The following ACOX2 variants were observed in gnomAD, a reference collection of about 807,000 sequenced individuals.
ACOX2 encodes peroxisomal acyl-coenzyme A oxidase 2.
Under a neutral mutation model 77.5 loss-of-function variants are expected in ACOX2, and 59 were observed. The ratio of observed to expected loss-of-function variants is 0.76; its 90% CI spans 0.62 to 0.95. ACOX2 has a LOEUF of 0.95. Ranked by LOEUF, ACOX2 falls within the 40% of genes least tolerant of loss-of-function variation. ACOX2 has a pLI of 0.00. For synonymous variants in ACOX2, 317 were observed against 340.1 expected (o/e 0.93, Z 0.75); for missense variants, 837 against 880.4 (o/e 0.95, Z 0.62).
At chr3:58,529,877 T>C (rs961585212) in intron 8 of ACOX2, among the ~76,000 whole-genome samples, 17 of 152,154 alleles carry the variant, frequency 1.1e-4, no homozygotes, top group Non-Finnish European at 5.9e-5. Flanking sequence ...TCACAGAGGG[T>C]TCAGGCAGCC....
intron 5 of ACOX2, among the ~76,000 whole-genome samples, chr3:58,532,306 CAGTGGTCAT>C (rs1275949038): frequency 2.0e-5 from 3 of 152,124 alleles, no homozygotes; most frequent in Non-Finnish European, 4.4e-5. Flanking sequence ...TCATTTTTGA[CAGTGGTCAT>C]TTATTTTCTC....
In ACOX2 at chr3:58,534,670, G is replaced by A; in HGVS notation, c.161-148C>T. 1 of 1,527,858 alleles carries A rather than the reference G, an allele frequency of 6.5e-7. No individual in the cohort carries two copies. The highest frequency in any genetic ancestry group is 2.4e-5 in the East Asian group (1 of 41,768). 94.6% of individuals were successfully genotyped at this position (1,527,858 alleles called of 1,614,324 possible). A position where few individuals can be genotyped will look rare whatever the true frequency, so the allele number is the denominator to read the frequency against. Reference sequence around the variant, plus strand: ...ATGACAAAACTGAGGACCAAGGTGGGAAAGTGAATTGCCCAAGGTTACAAA... The same window carrying A: ...ATGACAAAACTGAGGACCAAGGTGGAAAAGTGAATTGCCCAAGGTTACAAA... On this transcript the variant is annotated intron_variant, in intron 2 of 14. Transcript: ENST00000302819. The surrounding 1 kb of genome is among the most constrained non-coding windows in gnomAD (Gnocchi z 4.8).
At position 58,515,341 on chromosome 3, in the gene ACOX2, C is replaced by T. The variant is rs115338319; in HGVS notation, c.1850+1865G>A. Among the ~76,000 whole-genome samples the T allele has an allele frequency of 6.6e-3, 991 of 151,214 alleles. 7 individuals carry two copies. Among genetic ancestry groups the T allele is most frequent in the African/African-American group, 0.023 (952 of 41,194 alleles). ...TGGCCTGAACAAACATTTTTTTGAC[C>T]ACCAGCTATCTGTTACATGCTATGA... On this transcript the variant is annotated intron_variant, in intron 13 of 14. Transcript: ENST00000302819. This position sits in a 1 kb window ranked among gnomAD's most constrained non-coding sequence, Gnocchi z 4.0.
At position 58,535,266 on chromosome 3, in the gene ACOX2, T is replaced by G. The variant is rs920737203; in HGVS notation, c.-91-69A>C. Reference sequence around the variant, plus strand: ...CTGGTTGGTAGAAGAAAGACATCCCTAAGTACCTGAATGCCACTCCACCTC... The same window carrying G: ...CTGGTTGGTAGAAGAAAGACATCCCGAAGTACCTGAATGCCACTCCACCTC... On this transcript the variant is annotated intron_variant, in intron 1 of 14. Transcript: ENST00000302819. This position sits in a 1 kb window ranked among gnomAD's most constrained non-coding sequence, Gnocchi z 4.8. 3.6e-6 allele frequency: 3 copies of G among 826,872 alleles called. No individual in the cohort carries two copies. In the African/African-American group the frequency reaches 5.0e-5, roughly 14 times the overall value. The allele number at this position is 826,872 out of a possible 1,614,324, so 51.2% of individuals were successfully genotyped here.
intron 9 of ACOX2, among the ~76,000 whole-genome samples, chr3:58,527,851 C>T (rs1553856459): frequency 1.4e-5 from 2 of 141,190 alleles, no homozygotes; most frequent in Non-Finnish European, 3.0e-5. Context: ...TGCTACCACA[C>T]CTGACTAATT....
Position 58,535,028 on chromosome 3 carries a change from A to G in ACOX2, c.79T>C (p.Tyr27His). The part of the protein sequence containing the change: ...QMHPDIESER[Y>H]MQSFDVERLT... ...CGTTCCACGTCAAAGGACTGCATATACCTCTCGCTCTCTATGTCGGGGTGC... is the reference window on the plus strand; with the variant it reads ...CGTTCCACGTCAAAGGACTGCATATGCCTCTCGCTCTCTATGTCGGGGTGC... Residue 27 changes from tyrosine to histidine, a missense_variant, in exon 2 of 15, where the codon TAT becomes CAT. By Grantham distance (83) the Tyr-to-His change is moderately conservative. Coordinates refer to ENST00000302819, the MANE Select transcript of ACOX2 (RefSeq NM_003500.4). This position sits in a 1 kb window ranked among gnomAD's most constrained non-coding sequence, Gnocchi z 4.8. The G allele has an allele frequency of 3.7e-6, 6 of 1,613,986 alleles. No homozygotes were observed. Among genetic ancestry groups the G allele is most frequent in the Non-Finnish European group, 5.1e-6 (6 of 1,179,964 alleles).
chr3:58,505,478 C>T lies in ACOX2; in HGVS notation c.1984-192G>A, dbSNP rs1011388067. 6.6e-6 allele frequency among the ~76,000 whole-genome samples: 1 copy of T among 152,202 alleles called. No homozygotes were observed. Among genetic ancestry groups the T allele is most frequent in the African/African-American group, 2.4e-5 (1 of 41,460 alleles). On this transcript the variant is annotated intron_variant, in intron 14 of 14. Coordinates refer to ENST00000302819, the MANE Select transcript of ACOX2 (RefSeq NM_003500.4). This position sits in a 1 kb window ranked among gnomAD's most constrained non-coding sequence, Gnocchi z 4.4. ...TTTTCCAAAGGGCATCCTTCCTTTT[C>T]TCATGCAGATTTTAAATTGTGGATG...
In ACOX2 at chr3:58,510,876, A is replaced by G. The variant is rs527720814; in HGVS notation, c.1851-1851T>C. ...AAAAACAATCATAACTGGTGTAATA[A>G]GGGCTCAAGTGGGCCCTGATTGCAG... On this transcript the variant is annotated intron_variant, in intron 13 of 14. Coordinates refer to ENST00000302819, the MANE Select transcript of ACOX2 (RefSeq NM_003500.4). 1.6e-3 allele frequency: 680 copies of G among 425,836 alleles called. 3 individuals are homozygous for G. Among genetic ancestry groups the G allele is most frequent in the Non-Finnish European group, 2.2e-3 (460 of 212,068 alleles). The allele number at this position is 425,836 out of a possible 1,614,324, so 26.4% of individuals were successfully genotyped here.
chr3:58,513,613 C>A (rs1326643187), intron 13 of ACOX2, among the ~76,000 whole-genome samples: 1 of 150,808 alleles, frequency 6.6e-6, no homozygotes, highest in Non-Finnish European at 1.5e-5. Context: ...AATACCGTCT[C>A]TTAACTCTGA....
rs1290765162 is a variant in ACOX2, at chr3:58,534,415, T to C, written c.268A>G (p.Ile90Val). 1.2e-5 allele frequency: 20 copies of C among 1,614,068 alleles called. No individual in the cohort carries two copies. Among genetic ancestry groups the C allele is most frequent in the East Asian group, 2.2e-5 (1 of 44,884 alleles). The change falls in exon 3 of 15, where the codon ATA (isoleucine) becomes GTA (valine). Residue 90 changes from isoleucine to valine, a missense_variant. Ile to Val is a conservative substitution (Grantham distance 29, BLOSUM62 3). Coordinates refer to ENST00000302819, the MANE Select transcript of ACOX2 (RefSeq NM_003500.4). The surrounding 1 kb of genome is among the most constrained non-coding windows in gnomAD (Gnocchi z 4.8). Reference protein sequence around the residue: ...AMRRAFHIRLIARRLGWLEDG... With the variant: ...AMRRAFHIRLVARRLGWLEDG... The stretch of plus-strand genomic sequence containing the variant: ...TCTAACCAACCCAGGCGCCGAGCTA[T>C]CAACCGGATGTGGAATGCCCTCCGC...
chr3:58,509,998 A>G (rs957679862), intron 13 of ACOX2, among the ~76,000 whole-genome samples: 1 of 152,136 alleles, frequency 6.6e-6, no homozygotes, highest in African/African-American at 2.4e-5. Context: ...TCAGTTTGAG[A>G]TATTATCTGT....
chr3:58,532,879 T>G (rs2063451243), intron 5 of ACOX2, among the ~76,000 whole-genome samples: 1 of 152,204 alleles, frequency 6.6e-6, no homozygotes, highest in African/African-American at 2.4e-5. Flanking sequence ...GGGAAATCCC[T>G]CGTTGGGGCT....
chr3:58,529,913 AG>A (rs1339236861), intron 8 of ACOX2, among the ~76,000 whole-genome samples: 3 of 152,184 alleles, frequency 2.0e-5, no homozygotes, highest in Non-Finnish European at 4.4e-5. Flanking sequence ...TGTGGGGTGG[AG>A]GGAGTGGTAG....
chr3:58,524,489 T>C lies in ACOX2; in HGVS notation c.1463A>G (p.Gln488Arg), dbSNP rs760814570. 2.5e-6 allele frequency: 4 copies of C among 1,613,876 alleles called. No individual in the cohort carries two copies. The highest frequency in any genetic ancestry group is 3.4e-6 in the Non-Finnish European group (4 of 1,179,880). ...CGGGCAGAGGAAGTCGGCTGCCCTC[T>C]GGGCTGGACACCTGGCCAGGTCAGG... is the stretch of plus-strand genomic sequence containing the variant. ...TAPDLARCPAQRAADFLCPEL... is the reference protein window; with the variant it reads ...TAPDLARCPARRAADFLCPEL... The change falls in exon 11 of 15, where the codon CAG (glutamine) becomes CGG (arginine). Residue 488 changes from glutamine to arginine, a missense_variant. Coordinates refer to ENST00000302819, the MANE Select transcript of ACOX2 (RefSeq NM_003500.4). The surrounding 1 kb of genome is among the most constrained non-coding windows in gnomAD (Gnocchi z 5.5).
rs1026151248 is a variant in ACOX2, at chr3:58,508,832, G to A, written c.1983+61C>T. 5.1e-5 allele frequency: 81 copies of A among 1,587,216 alleles called. 1 individual carries two copies. In the South Asian group the frequency reaches 8.5e-4, roughly 17 times the overall value. ...TCAATTAAAATGGGAGAACATGAAG[G>A]TGTATTCACTGCCTGTTCTCTGCTT... On this transcript the variant is annotated intron_variant, in intron 14 of 14. Transcript: ENST00000302819.
In ACOX2 at chr3:58,522,164, G is replaced by A. The variant is rs915607543; in HGVS notation, c.1632+332C>T. On this transcript the variant is annotated intron_variant, in intron 12 of 14. Coordinates refer to ENST00000302819, the MANE Select transcript of ACOX2 (RefSeq NM_003500.4). The surrounding 1 kb of genome is among the most constrained non-coding windows in gnomAD (Gnocchi z 4.3). ...TGTGAATTATGCAGAAACACAAAAC[G>A]AGTGGAAATGGAATCAGACATCCAA... Among the ~76,000 whole-genome samples, 3 of 152,226 alleles carry A rather than the reference G, an allele frequency of 2.0e-5. No homozygotes were observed. Among genetic ancestry groups the A allele is most frequent in the Non-Finnish European group, 4.4e-5 (3 of 68,034 alleles).
Position 58,524,295 on chromosome 3 carries a change from AC to A in ACOX2, c.1526+130del, listed in dbSNP as rs1419478261. Reference sequence around the variant, plus strand: ...GCCCATGGTGGCAGGAACTGAGAGGACCGGGGAGGCTAGGCATGGGGTGGTT... The same window carrying A: ...GCCCATGGTGGCAGGAACTGAGAGGACGGGGAGGCTAGGCATGGGGTGGTT... On this transcript the variant is annotated intron_variant, in intron 11 of 14. Coordinates refer to ENST00000302819, the MANE Select transcript of ACOX2 (RefSeq NM_003500.4). The surrounding 1 kb of genome is among the most constrained non-coding windows in gnomAD (Gnocchi z 5.5). The A allele has an allele frequency of 8.5e-7, 1 of 1,172,754 alleles. No individual in the cohort carries two copies. Among genetic ancestry groups the A allele is most frequent in the Admixed American group, 2.6e-5 (1 of 39,160 alleles). The allele number at this position is 1,172,754 out of a possible 1,614,324, so 72.6% of individuals were successfully genotyped here.
intron 14 of ACOX2, 49 bp downstream of exon 14, chr3:58,508,844 C>T (rs749954791): frequency 2.5e-6 from 4 of 1,605,398 alleles, no homozygotes; most frequent in Non-Finnish European, 3.4e-6. Context: ...GTATTCACTG[C>T]CTGTTCTCTG....
Position 58,531,889 on chromosome 3 carries a change from GC to G in ACOX2, c.584-78del. 1.3e-6 allele frequency: 2 copies of G among 1,507,424 alleles called. No homozygotes were observed. The highest frequency in any genetic ancestry group is 1.8e-6 in the Non-Finnish European group (2 of 1,132,520). 93.4% of individuals were successfully genotyped at this position (1,507,424 alleles called of 1,614,324 possible). A position where few individuals can be genotyped will look rare whatever the true frequency, so the allele number is the denominator to read the frequency against. On this transcript the variant is annotated intron_variant, in intron 5 of 14. Transcript: ENST00000302819. This position sits in a 1 kb window ranked among gnomAD's most constrained non-coding sequence, Gnocchi z 5.8. ...TTCCCAACCAACCCAGCCTCCTGGGGCTGGGGTTTTGGATGGGTACCTCTGG... is the reference window on the plus strand; with the variant it reads ...TTCCCAACCAACCCAGCCTCCTGGGGTGGGGTTTTGGATGGGTACCTCTGG...
Sources: allele counts gnomAD v4.1 joint callset (sites outside exome capture counted in the v4.1 genomes callset), GRCh38; gene constraint gnomAD v4.1.1; non-coding constraint Gnocchi (gnomAD v3.1); transcripts MANE v1.5; gene names NCBI Gene and HGNC (gene_info 2026-07-23, HGNC 2026-07-21).